Variants in PLEKHO2 observed in about 807,000 individuals in gnomAD.
PLEKHO2 encodes pleckstrin homology domain containing O2, also known as pleckstrin homology domain-containing family O member 2.
A neutral mutation model predicts 32.7 loss-of-function variants in PLEKHO2; 20 were observed. The ratio of observed to expected loss-of-function variants is 0.61; its 90% CI spans 0.43 to 0.89. The LOEUF (loss-of-function observed/expected upper bound fraction) is 0.89, where lower values mean the gene tolerates loss of function less well. Ranked by LOEUF, PLEKHO2 falls within the 40% of genes least tolerant of loss-of-function variation. The pLI is 0.00. For missense variants in PLEKHO2, 568 were observed against 621.2 expected (o/e 0.91, Z 0.91); for synonymous variants, 247 against 246.3 (o/e 1.00, Z -0.03).
intron 1 of PLEKHO2, among the ~76,000 whole-genome samples, chr15:64,842,382 CTCTCTCTCTGTGTGTG>C (rs2084491270): frequency 2.2e-5 from 1 of 45,498 alleles, no homozygotes. Context: ...CTGACTCTCT[CTCTCTCTCTGTGTGTG>C]TGTGTGTGTG....
At chr15:64,862,155 G>A (rs536659576) in intron 5 of PLEKHO2, among the ~76,000 whole-genome samples, 1 of 152,278 alleles carries the variant, frequency 6.6e-6, no homozygotes, top group South Asian at 2.1e-4. Context: ...CTGAGAAGGG[G>A]GTTGTGGGGA....
intron 1 of PLEKHO2, 95 bp downstream of exon 1, chr15:64,842,123 C>T: frequency 9.0e-7 from 1 of 1,106,452 alleles, no homozygotes; most frequent in East Asian, 3.2e-5. Context: ...CTGCCCGCCC[C>T]ACTCCCGCCA....
intron 5 of PLEKHO2, among the ~76,000 whole-genome samples, chr15:64,862,778 C>CT (rs1183397833): frequency 1.3e-5 from 2 of 151,864 alleles, no homozygotes; most frequent in Admixed American, 6.6e-5. Context: ...TCTTTCTTTT[C>CT]TTTTTTTTAT....
chr15:64,848,072 T>C (rs1161602828), intron 1 of PLEKHO2, among the ~76,000 whole-genome samples: 1 of 152,216 alleles, frequency 6.6e-6, no homozygotes, highest in Non-Finnish European at 1.5e-5. Context: ...CAGCTCCTAT[T>C]TTCCCGCACT....
At chr15:64,863,390 G>A (rs374658212) in intron 5 of PLEKHO2, among the ~76,000 whole-genome samples, 2 of 152,138 alleles carry the variant, frequency 1.3e-5, no homozygotes, top group Admixed American at 1.3e-4. Context: ...TCCTGCAGAG[G>A]GAGCACTGAG....
At chr15:64,861,342 A>G in intron 4 of PLEKHO2, 135 bp from the exon 5 acceptor site, 1 of 605,112 alleles carries the variant, frequency 1.7e-6, no homozygotes, top group South Asian at 2.2e-5. Context: ...TTAGAGAAGC[A>G]GAGGCCAGGG....
At chr15:64,854,777 T>G in intron 2 of PLEKHO2, 144 bp from the exon 3 acceptor site, 1 of 641,758 alleles carries the variant, frequency 1.6e-6, no homozygotes, top group Non-Finnish European at 2.8e-6. Context: ...CACCACATCT[T>G]GGTGACTGAT....
chr15:64,866,532 T>A lies in PLEKHO2; in HGVS notation c.*644T>A, dbSNP rs2084689631. 8 of 374,032 alleles carry A rather than the reference T, an allele frequency of 2.1e-5. No individual in the cohort carries two copies. The highest frequency in any genetic ancestry group is 1.5e-4 in the South Asian group (8 of 52,766). 23.2% of individuals were successfully genotyped at this position (374,032 alleles called of 1,614,324 possible). A position where few individuals can be genotyped will look rare whatever the true frequency, so the allele number is the denominator to read the frequency against. Reference sequence around the variant, plus strand: ...TGGCCTCTCTCTCTTTGGCCCTGTTTCCTTTTTTGCAAAACAAGGACATTT... The same window carrying A: ...TGGCCTCTCTCTCTTTGGCCCTGTTACCTTTTTTGCAAAACAAGGACATTT... On this transcript the variant is annotated 3_prime_UTR_variant, in exon 6 of 6. Transcript: ENST00000323544.
intron 5 of PLEKHO2, 48 bp downstream of exon 5, chr15:64,861,623 C>T (rs1048510689): frequency 7.6e-6 from 11 of 1,451,864 alleles, no homozygotes; most frequent in Admixed American, 7.0e-5. Flanking sequence ...AGCCTAGGAC[C>T]TCAGCTCCTC....
intron 5 of PLEKHO2, among the ~76,000 whole-genome samples, chr15:64,864,148 T>C (rs2140346490): frequency 6.6e-6 from 1 of 152,266 alleles, no homozygotes; most frequent in South Asian, 2.1e-4. Flanking sequence ...CCAGCCCTGC[T>C]GGGGCCTCTG....
chr15:64,861,152 C>T (rs1353121587), intron 4 of PLEKHO2, among the ~76,000 whole-genome samples: 1 of 152,216 alleles, frequency 6.6e-6, no homozygotes, highest in Admixed American at 6.5e-5. Context: ...GGAGCATAGG[C>T]TGCTTTCAAC....
intron 2 of PLEKHO2, among the ~76,000 whole-genome samples, chr15:64,851,989 A>G (rs1404320682): frequency 1.3e-5 from 2 of 152,098 alleles, no homozygotes; most frequent in South Asian, 4.1e-4. Flanking sequence ...AACTGGTCCT[A>G]CATATGTTCT....
intron 5 of PLEKHO2, among the ~76,000 whole-genome samples, chr15:64,862,362 A>C (rs748776021): frequency 1.3e-5 from 2 of 151,828 alleles, no homozygotes; most frequent in Non-Finnish European, 2.9e-5. Flanking sequence ...GATGTTAGGA[A>C]GCAAGAGCCA....
intron 1 of PLEKHO2, among the ~76,000 whole-genome samples, chr15:64,847,487 G>C (rs923411870): frequency 2.6e-5 from 4 of 152,166 alleles, no homozygotes; most frequent in Non-Finnish European, 4.4e-5. Flanking sequence ...AAAGTGGTTA[G>C]CAAAGGGTGT....
At chr15:64,854,301 T>G (rs2084591371) in intron 2 of PLEKHO2, among the ~76,000 whole-genome samples, 1 of 152,108 alleles carries the variant, frequency 6.6e-6, no homozygotes, top group Admixed American at 6.5e-5. Context: ...GGGGTGGGGA[T>G]GGGATGCGCT....
chr15:64,853,537 G>T (rs2084586110), intron 2 of PLEKHO2, among the ~76,000 whole-genome samples: 1 of 151,926 alleles, frequency 6.6e-6, no homozygotes, highest in African/African-American at 2.4e-5. Flanking sequence ...CTCGTGATCT[G>T]CCCGCCTCGG....
intron 5 of PLEKHO2, among the ~76,000 whole-genome samples, chr15:64,863,227 C>T (rs56785790): frequency 0.18 from 27,821 of 152,096 alleles, 3,574 homozygotes; most frequent in East Asian, 0.76. Flanking sequence ...TGAGCCACCG[C>T]GCCTGGCCTT....
In PLEKHO2 at chr15:64,841,963, C is replaced by T. The variant is rs1394930909; in HGVS notation, c.-54C>T. The T allele has an allele frequency of 1.3e-5, 16 of 1,245,294 alleles. No homozygotes were observed. In the Admixed American group the frequency reaches 4.6e-4, roughly 36 times the overall value. The allele number at this position is 1,245,294 out of a possible 1,614,324, so 77.1% of individuals were successfully genotyped here. A position where few individuals can be genotyped will look rare whatever the true frequency, so the allele number is the denominator to read the frequency against. ...GCCGGGCGTAGACGCGGTGGCAGAG[C>T]CCGCGCGGCGCTGGAAGCGAGTGGC... On this transcript the variant is annotated 5_prime_UTR_variant, in exon 1 of 6. Transcript: ENST00000323544.
chr15:64,846,904 A>T (rs62017292), intron 1 of PLEKHO2, among the ~76,000 whole-genome samples: 2,557 of 152,346 alleles, frequency 0.017, 65 homozygotes, highest in African/African-American at 0.058. Flanking sequence ...TTACTCAGCA[A>T]CAAATGTTTA....
Sources: allele counts gnomAD v4.1 joint callset (sites outside exome capture counted in the v4.1 genomes callset), GRCh38; gene constraint gnomAD v4.1.1; transcripts MANE v1.5; gene names NCBI Gene and HGNC (gene_info 2026-07-23, HGNC 2026-07-21).